The following ECPAS variants were observed in gnomAD, a reference collection of about 807,000 sequenced individuals.
ECPAS encodes the protein proteasome adapter and scaffold protein ECM29.
ECPAS carries 70 observed loss-of-function variants against 255.1 expected under a neutral mutation model. The observed-to-expected ratio is 0.27, with a 90% CI of 0.23 to 0.33. The LOEUF is 0.33. Ranked by LOEUF, ECPAS falls within the 10% of genes least tolerant of loss-of-function variation. The pLI, the probability that ECPAS is intolerant of heterozygous loss-of-function variation, is 1.00. For synonymous variants in ECPAS, 784 were observed against 775.0 expected, an observed-to-expected ratio of 1.01 and a Z score of -0.19; for missense variants, 1,817 against 2,206.4, an observed-to-expected ratio of 0.82 and a Z score of 3.54.
At chr9:111,431,713 T>C (rs2098230308) in intron 8 of ECPAS, among the ~76,000 whole-genome samples, 1 of 152,224 alleles carries the variant, frequency 6.6e-6, no homozygotes, top group Admixed American at 6.5e-5. Context: ...ACATTGGTTC[T>C]GCTTTCAAGC....
intron 1 of ECPAS, among the ~76,000 whole-genome samples, chr9:111,478,584 TCA>T (rs2098299571): frequency 6.6e-6 from 1 of 152,004 alleles, no homozygotes. Flanking sequence ...ACCCTAACAG[TCA>T]ATTTTGCTTC....
chr9:111,484,005 T>TGCGCTCCCCGC, intron 1 of ECPAS, 111 bp downstream of exon 1: 5 of 1,012,432 alleles, frequency 4.9e-6, no homozygotes, highest in Non-Finnish European at 5.9e-6. Context: ...CCGCCCCGCG[T>TGCGCTCCCCGC]GCGCTCCCCG....
At chr9:111,448,964 T>C (rs1589214980) in intron 3 of ECPAS, among the ~76,000 whole-genome samples, 1 of 152,130 alleles carries the variant, frequency 6.6e-6, no homozygotes, top group Non-Finnish European at 1.5e-5. Flanking sequence ...GAATAAAGCA[T>C]TTAACTTGAT....
At position 111,412,046 on chromosome 9, in the gene ECPAS, C is replaced by A; in HGVS notation, c.2182G>T (p.Glu728Ter). 6.3e-7 allele frequency: 1 copy of A among 1,585,326 alleles called. No homozygotes were observed. The highest frequency in any genetic ancestry group is 2.0e-5 in the Admixed American group (1 of 50,812). ...TCTTTTGTAGTCTTTATAAGCTGTTCTATCATTGATTTCAACTCATTCCCC... is the reference window on the plus strand; with the variant it reads ...TCTTTTGTAGTCTTTATAAGCTGTTATATCATTGATTTCAACTCATTCCCC... ...VSGNELKSMI[E>*]QLIKTTKDNH... The change falls in exon 21 of 50, where the codon GAA (glutamate) becomes TAA (stop). Residue 728 changes from glutamate to a stop codon, truncating the protein, a stop_gained. Transcript: ENST00000684092. LOFTEE classifies it high-confidence loss of function.
intron 25 of ECPAS, among the ~76,000 whole-genome samples, chr9:111,396,040 T>A (rs949378916): frequency 6.6e-6 from 1 of 152,342 alleles, no homozygotes; most frequent in South Asian, 2.1e-4. Flanking sequence ...AGTTAAATGT[T>A]AACTGTAACA....
intron 9 of ECPAS, among the ~76,000 whole-genome samples, chr9:111,429,885 A>T (rs1006591232): frequency 6.6e-6 from 1 of 152,196 alleles, no homozygotes; most frequent in African/African-American, 2.4e-5. Context: ...TAATCCTTGT[A>T]TATCTGGGTT....
chr9:111,407,297 G>C (rs1469191863), intron 24 of ECPAS, among the ~76,000 whole-genome samples: 1 of 143,886 alleles, frequency 6.9e-6, no homozygotes, highest in Non-Finnish European at 1.5e-5. Context: ...AACTACTTAG[G>C]AGGCTGACGA....
chr9:111,440,571 A>T (rs1356603399), intron 5 of ECPAS, 50 bp from the exon 6 acceptor site: 1 of 1,420,394 alleles, frequency 7.0e-7, no homozygotes, highest in South Asian at 1.3e-5. Context: ...TGAGATTTTT[A>T]TACATGCAAA....
chr9:111,385,472 G>T, intron 32 of ECPAS, 30 bp from the exon 33 acceptor site: 1 of 1,177,966 alleles, frequency 8.5e-7, no homozygotes, highest in Non-Finnish European at 1.2e-6. Context: ...TTCAATATAT[G>T]ATGAAAAAGG....
chr9:111,453,599 C>T (rs973287220), intron 2 of ECPAS, among the ~76,000 whole-genome samples: 10 of 152,144 alleles, frequency 6.6e-5, no homozygotes, highest in African/African-American at 1.9e-4. Context: ...GTTAACTTCA[C>T]AGTAGAGAAA....
chr9:111,414,453 G>A lies in ECPAS; in HGVS notation c.1963C>T (p.Gln655Ter). 2 of 1,613,918 alleles carry A rather than the reference G, an allele frequency of 1.2e-6. No individual in the cohort carries two copies. Among genetic ancestry groups the A allele is most frequent in the Non-Finnish European group, 1.7e-6 (2 of 1,179,788 alleles). Residue 655 changes from glutamine (Q) to a stop codon, truncating the protein, a stop_gained, in exon 19 of 50, where the codon CAG (glutamine) becomes TAG (stop). Coordinates refer to ENST00000684092, the MANE Select transcript of ECPAS (RefSeq NM_001364929.1). LOFTEE classifies it high-confidence loss of function. ...CCTCCAACACCTGCTAACAGCTGCTGAAGCAGGCCAATGTAGATCTGGACA... is the reference window on the plus strand; with the variant it reads ...CCTCCAACACCTGCTAACAGCTGCTAAAGCAGGCCAATGTAGATCTGGACA... ...NPVQIYIGLL[Q>*]QLLAGVGGLP...
intron 16 of ECPAS, among the ~76,000 whole-genome samples, chr9:111,419,656 T>A (rs2098210106): frequency 6.6e-6 from 1 of 151,562 alleles, no homozygotes; most frequent in Admixed American, 6.6e-5. Context: ...AACATCAGCC[T>A]TTTTTCTCCT....
intron 2 of ECPAS, among the ~76,000 whole-genome samples, chr9:111,456,481 T>C (rs2098267148): frequency 6.6e-6 from 1 of 152,188 alleles, no homozygotes; most frequent in African/African-American, 2.4e-5. Context: ...ACACATACTG[T>C]ACATACTACA....
At chr9:111,387,756 C>T (rs2098152125) in intron 31 of ECPAS, among the ~76,000 whole-genome samples, 1 of 151,366 alleles carries the variant, frequency 6.6e-6, no homozygotes, top group African/African-American at 2.4e-5. Context: ...GTGTCTCACT[C>T]ATCGTCAGTG....
At chr9:111,442,945 A>C (rs759656189) in intron 4 of ECPAS, among the ~76,000 whole-genome samples, 1 of 152,234 alleles carries the variant, frequency 6.6e-6, no homozygotes, top group Non-Finnish European at 1.5e-5. Flanking sequence ...TGTTTCTGCA[A>C]GGTCAAGCAT....
rs529785826 is a variant in ECPAS at position 111,411,007 on chromosome 9, G to A, written c.2350C>T (p.Leu784Phe). 1.0e-3 allele frequency: 1,676 copies of A among 1,613,820 alleles called. 33 individuals carry two copies. In the South Asian group the frequency reaches 0.018, roughly 17 times the overall value. ...NADTLPDQEE[L>F]IQSATETIGS... ...ATTGTTTCTGTAGCACTCTGAATGA[G>A]TTCCTCTTGATCAGGGAGGGTGTCA... The change falls in exon 22 of 50, where the codon CTC becomes TTC. Residue 784 changes from leucine to phenylalanine, a missense_variant. By Grantham distance (22) the Leu-to-Phe change is conservative. This residue lies in a region of ECPAS where 194 missense variants were observed against 152.8 expected (regional missense o/e 1.27). Coordinates refer to ENST00000684092, the MANE Select transcript of ECPAS (RefSeq NM_001364929.1).
intron 8 of ECPAS, among the ~76,000 whole-genome samples, chr9:111,431,062 T>A (rs1408522248): frequency 6.6e-6 from 1 of 152,066 alleles, no homozygotes; most frequent in Non-Finnish European, 1.5e-5. Context: ...GACAAAAAAA[T>A]TTTTACCCAT....
At chr9:111,483,219 G>A (rs1328825871) in intron 1 of ECPAS, among the ~76,000 whole-genome samples, 2 of 152,014 alleles carry the variant, frequency 1.3e-5, no homozygotes. Context: ...AGGGGGCTGG[G>A]CTCCCCCGAC....
intron 2 of ECPAS, among the ~76,000 whole-genome samples, chr9:111,463,754 G>GA (rs1033502221): frequency 5.4e-4 from 81 of 150,722 alleles, no homozygotes; most frequent in African/African-American, 1.9e-3. Context: ...CTACACATCA[G>GA]AAAAAAAAAG....
Sources: gnomAD v4.1 joint callset for allele counts (sites outside exome capture counted in the v4.1 genomes callset) on GRCh38, gnomAD v4.1.1 for gene constraint, gnomAD v4.1.1 regional missense constraint, MANE v1.5 for transcripts, NCBI Gene and HGNC (gene_info 2026-07-23, HGNC 2026-07-21) for gene names.